Variants in SNX2 observed in about 807,000 individuals in gnomAD.
SNX2 encodes the protein sorting nexin-2.
Under a neutral mutation model 69.9 loss-of-function variants are expected in SNX2, and 25 were observed. The ratio of observed to expected loss-of-function variants is 0.36; its 90% CI spans 0.26 to 0.50. SNX2 has a LOEUF of 0.50. SNX2 is among the 20% of genes least tolerant of loss of function. The pLI is 0.97. For synonymous variants in SNX2, 229 were observed against 200.4 expected, an observed-to-expected ratio of 1.14 and a Z score of -1.20; for missense variants, 551 against 613.3, an observed-to-expected ratio of 0.90 and a Z score of 1.07.
At chr5:122,792,680 A>G (rs1230788195) in intron 1 of SNX2, among the ~76,000 whole-genome samples, 1 of 152,220 alleles carries the variant, frequency 6.6e-6, no homozygotes, top group Non-Finnish European at 1.5e-5. Context: ...CCATTGCAAA[A>G]TCTACCATTA....
Position 122,834,502 on chromosome 5 carries a change from TG to T in SNX2, c.*4855del, listed in dbSNP as rs1307800956. ...TAAAGTTCTATTTTAAATTTATACA[TG>T]TAACTTTAATAAAAACTAAGTCAGA... On this transcript the variant is annotated 3_prime_UTR_variant, in exon 15 of 15. Transcript: ENST00000379516. 1 of 152,212 alleles carries T rather than the reference TG, an allele frequency of 6.6e-6. No homozygotes were observed. 9.4% of individuals were successfully genotyped at this position (152,212 alleles called of 1,614,324 possible). A position where few individuals can be genotyped will look rare whatever the true frequency, so the allele number is the denominator to read the frequency against.
At chr5:122,793,379 T>C (rs557224702) in intron 1 of SNX2, among the ~76,000 whole-genome samples, 1 of 152,272 alleles carries the variant, frequency 6.6e-6, no homozygotes, top group South Asian at 2.1e-4. Flanking sequence ...AAAAAATAAG[T>C]ACCATATGGC....
intron 1 of SNX2, among the ~76,000 whole-genome samples, chr5:122,782,096 C>A (rs1263848633): frequency 6.6e-6 from 1 of 152,166 alleles, no homozygotes; most frequent in East Asian, 1.9e-4. Context: ...GATTTTTAGC[C>A]ATTCTAAGAG....
At chr5:122,827,542 T>G (rs1186037870) in intron 13 of SNX2, 33 bp from the exon 14 acceptor site, 1 of 1,605,972 alleles carries the variant, frequency 6.2e-7, no homozygotes, top group Non-Finnish European at 8.5e-7. Flanking sequence ...TTTAGCTTTC[T>G]ACTAACGGAC....
chr5:122,809,450 G>A (rs1000876268), intron 7 of SNX2, among the ~76,000 whole-genome samples: 1 of 152,172 alleles, frequency 6.6e-6, no homozygotes, highest in Non-Finnish European at 1.5e-5. Context: ...CAGATGGGAG[G>A]ATGGGAAGAA....
upstream of SNX2, chr5:122,775,015 A>AGGCTGGCGGGTCGGCGC (rs1752821276): frequency 7.9e-7 from 1 of 1,262,674 alleles, no homozygotes; most frequent in Non-Finnish European, 1.0e-6. Context: ...GGGGGCGGGG[A>AGGCTGGCGGGTCGGCGC]GGCTGGCGGG....
rs1243872888 is a variant in SNX2, at chr5:122,817,215, T to G, written c.913-65T>G. On this transcript the variant is annotated intron_variant, in intron 9 of 14. Transcript: ENST00000379516. ...TTAAAACAAGGAATTTAGCTTGCTA[T>G]TGGTAACCTAATTTACAATGGTTTG... The G allele has an allele frequency of 1.2e-5, 17 of 1,466,798 alleles. No homozygotes were observed. The East Asian group carries it at 3.8e-4, about 33-fold the overall frequency. The allele number at this position is 1,466,798 out of a possible 1,614,324, so 90.9% of individuals were successfully genotyped here. A position where few individuals can be genotyped will look rare whatever the true frequency, so the allele number is the denominator to read the frequency against.
At chr5:122,794,712 C>T (rs1041391719) in intron 1 of SNX2, among the ~76,000 whole-genome samples, 1 of 152,022 alleles carries the variant, frequency 6.6e-6, no homozygotes, top group Admixed American at 6.6e-5. Flanking sequence ...CTAGTACCTC[C>T]AAAAAGGATG....
intron 3 of SNX2, among the ~76,000 whole-genome samples, chr5:122,801,550 A>G (rs1753510528): frequency 2.7e-5 from 4 of 150,048 alleles, no homozygotes; most frequent in Admixed American, 2.0e-4. Flanking sequence ...GGTTGCAGTG[A>G]GCTGAGATTG....
chr5:122,800,006 A>G (rs1472904932), intron 3 of SNX2, 151 bp downstream of exon 3: 4 of 566,776 alleles, frequency 7.1e-6, no homozygotes, highest in Non-Finnish European at 1.2e-5. Context: ...TCTGGCTTCT[A>G]TCTTCCCCAC....
At chr5:122,786,480 T>C (rs1176521042) in intron 1 of SNX2, among the ~76,000 whole-genome samples, 1 of 152,122 alleles carries the variant, frequency 6.6e-6, no homozygotes, top group Admixed American at 6.5e-5. Flanking sequence ...TTGTTTAATA[T>C]CATTATATTT....
intron 1 of SNX2, among the ~76,000 whole-genome samples, chr5:122,779,833 C>G (rs140257729): frequency 2.6e-5 from 4 of 151,968 alleles, no homozygotes; most frequent in Admixed American, 6.6e-5. Context: ...TCCTATCAAC[C>G]CATCACCTAG....
intron 11 of SNX2, among the ~76,000 whole-genome samples, chr5:122,825,496 C>T (rs543407948): frequency 6.6e-6 from 1 of 152,018 alleles, no homozygotes; most frequent in African/African-American, 2.4e-5. Context: ...TAGTCCTCTT[C>T]ATCTTTTGCC....
At chr5:122,816,558 T>C (rs1459144564) in intron 8 of SNX2, among the ~76,000 whole-genome samples, 1 of 152,194 alleles carries the variant, frequency 6.6e-6, no homozygotes, top group Non-Finnish European at 1.5e-5. Flanking sequence ...CTCAAGACTT[T>C]CTTCTTTCCT....
intron 2 of SNX2, among the ~76,000 whole-genome samples, chr5:122,798,419 T>C (rs1753433992): frequency 6.6e-6 from 1 of 152,194 alleles, no homozygotes; most frequent in Non-Finnish European, 1.5e-5. Flanking sequence ...AAGGATCTCA[T>C]CAACATGAGA....
chr5:122,790,969 A>G (rs902256134), intron 1 of SNX2, among the ~76,000 whole-genome samples: 4 of 152,156 alleles, frequency 2.6e-5, no homozygotes, highest in Admixed American at 6.5e-5. Context: ...CAAATTTCTC[A>G]CCATTAAGTA....
Position 122,786,920 on chromosome 5 carries a change from A to T in SNX2, c.109-8346A>T, listed in dbSNP as rs1412917011. 3.9e-5 allele frequency among the ~76,000 whole-genome samples: 6 copies of T among 152,148 alleles called. No homozygotes were observed. In the South Asian group the frequency reaches 1.0e-3, roughly 26 times the overall value. ...AAGAGATACTAGCAAAAAAATCTTA[A>T]AATTTTTTATCCTGCATACTACCAG... On this transcript the variant is annotated intron_variant, in intron 1 of 14. Coordinates refer to ENST00000379516, the MANE Select transcript of SNX2 (RefSeq NM_003100.4).
intron 1 of SNX2, among the ~76,000 whole-genome samples, chr5:122,791,191 T>G (rs1753228215): frequency 6.6e-6 from 1 of 151,184 alleles, no homozygotes. Context: ...TGGCATGATC[T>G]TGGCTCACCA....
rs1209553373 is a variant in SNX2, at chr5:122,817,937, TTA to T, written c.1006+567_1006+568del. Among the ~76,000 whole-genome samples, 23 of 152,220 alleles carry T rather than the reference TTA, an allele frequency of 1.5e-4. 1 individual carries two copies. The highest frequency in any genetic ancestry group is 5.1e-4 in the African/African-American group (21 of 41,580). ...TGTAATATTTTAATCCACAGTGAAA[TTA>T]TAGTTTTTTGGTTTTTTAAAGAATC... On this transcript the variant is annotated intron_variant, in intron 10 of 14. Transcript: ENST00000379516.
Sources: allele counts gnomAD v4.1 joint callset (sites outside exome capture counted in the v4.1 genomes callset), GRCh38; gene constraint gnomAD v4.1.1; transcripts MANE v1.5; gene names NCBI Gene and HGNC (gene_info 2026-07-23, HGNC 2026-07-21).